KCNJ10: variants seen among roughly 807,000 people sequenced by gnomAD.
The protein encoded by KCNJ10 is potassium inwardly rectifying channel subfamily J member 10.
Under a neutral mutation model 22.2 loss-of-function variants are expected in KCNJ10, and 9 were observed. The observed-to-expected ratio is 0.40, with a 90% CI of 0.24 to 0.71. The LOEUF (loss-of-function observed/expected upper bound fraction) is 0.71. KCNJ10 is among the 30% of genes least tolerant of loss of function. KCNJ10 has a pLI of 0.35. For synonymous variants in KCNJ10, 184 were observed against 187.3 expected (o/e 0.98, Z 0.15); for missense variants, 337 against 482.7 (o/e 0.70, Z 2.83).
intron 1 of KCNJ10, among the ~76,000 whole-genome samples, chr1:160,069,491 G>A (rs1649401666): frequency 6.6e-6 from 1 of 152,168 alleles, no homozygotes. Flanking sequence ...AGATTGGGTG[G>A]GCAGGGGTCT....
At chr1:160,058,186 T>A (rs1302972834) in intron 1 of KCNJ10, among the ~76,000 whole-genome samples, 1 of 152,240 alleles carries the variant, frequency 6.6e-6, no homozygotes, top group Non-Finnish European at 1.5e-5. Context: ...GGCCCCCTTT[T>A]CCATGTGCCA....
chr1:160,050,300 A>ATTTT (rs57990965), intron 1 of KCNJ10, among the ~76,000 whole-genome samples: 20 of 146,954 alleles, frequency 1.4e-4, no homozygotes, highest in African/African-American at 4.3e-4. Context: ...CACCCAGCTA[A>ATTTT]TTTTTTTTTT....
chr1:160,042,000 G>T lies in KCNJ10; in HGVS notation c.533C>A (p.Thr178Asn). 1 of 1,577,134 alleles carries T rather than the reference G, an allele frequency of 6.3e-7. No homozygotes were observed. The highest frequency in any genetic ancestry group is 8.6e-7 in the Non-Finnish European group (1 of 1,159,918). Residue 178 changes from threonine (T) to asparagine (N), a missense_variant, in exon 2 of 2, where the codon ACC becomes AAC. Physicochemically the swap from Thr to Asn is moderately conservative, Grantham distance 65. Around this residue, in one of 3 missense-constraint regions of KCNJ10, gnomAD observed 165 missense variants for 281.5 expected, o/e 0.59. Coordinates refer to ENST00000644903, the MANE Select transcript of KCNJ10 (RefSeq NM_002241.5). This position sits in a 1 kb window ranked among gnomAD's most constrained non-coding sequence, Gnocchi z 4.4. ...AACTGCATGCTGGCTGAAACGAATG[G>T]TCTCAGCCCGCTTCTTGGGCCGGGC... ...KIARPKKRAE[T>N]IRFSQHAVVA...
chr1:160,041,477 A>G lies in KCNJ10; in HGVS notation c.1056T>C (p.Pro352=), dbSNP rs1371611233. The change falls in exon 2 of 2, where the codon CCT becomes CCC. Residue 352 remains proline, a synonymous_variant. Coordinates refer to ENST00000644903, the MANE Select transcript of KCNJ10 (RefSeq NM_002241.5). The surrounding 1 kb of genome is among the most constrained non-coding windows in gnomAD (Gnocchi z 4.4). ...ATGACTCCTCCAACTTGAGCTTTTC[A>G]GGGTCTCCGTAGCGTACAGTGCTGT... ...LRDSTVRYGD[P]EKLKLEESLR... 6.2e-7 allele frequency: 1 copy of G among 1,614,014 alleles called. No individual in the cohort carries two copies. The highest frequency in any genetic ancestry group is 8.5e-7 in the Non-Finnish European group (1 of 1,180,016).
At position 160,042,303 on chromosome 1, in the gene KCNJ10, C is replaced by A. The variant is rs753667101; in HGVS notation, c.230G>T (p.Gly77Val). 1 of 1,613,688 alleles carries A rather than the reference C, an allele frequency of 6.2e-7. No individual in the cohort carries two copies. The highest frequency in any genetic ancestry group is 8.5e-7 in the Non-Finnish European group (1 of 1,179,622). ...KLLLFSATFA[G>V]TWFLFGVVWY... ...CACCACGCCAAAGAGGAACCATGTG[C>A]CTGCAAAGGTCGCAGAGAAGAGCAG... is the stretch of plus-strand genomic sequence containing the variant. The change falls in exon 2 of 2, where the codon GGC (glycine) becomes GTC (valine). Residue 77 changes from glycine to valine, a missense_variant. Physicochemically the swap from Gly to Val is moderately radical, Grantham distance 109. Around this residue, in one of 3 missense-constraint regions of KCNJ10, gnomAD observed 107 missense variants for 135.2 expected, o/e 0.79. Transcript: ENST00000644903.
At chr1:160,067,513 C>T (rs756553261) in intron 1 of KCNJ10, among the ~76,000 whole-genome samples, 9 of 152,222 alleles carry the variant, frequency 5.9e-5, no homozygotes, top group Non-Finnish European at 1.0e-4. Flanking sequence ...TTCATCTCAA[C>T]GATGTGCCTT....
chr1:160,041,486 G>A lies in KCNJ10; in HGVS notation c.1047C>T (p.Tyr349=), dbSNP rs368537434. 2.5e-5 allele frequency: 40 copies of A among 1,614,024 alleles called. No individual in the cohort carries two copies. The highest frequency in any genetic ancestry group is 1.0e-4 in the Admixed American group (6 of 59,990). The part of the protein sequence containing the change: ...PSGLRDSTVR[Y]GDPEKLKLEE... ...CCAACTTGAGCTTTTCAGGGTCTCC[G>A]TAGCGTACAGTGCTGTCACGGAGGC... Residue 349 remains tyrosine, a synonymous_variant, in exon 2 of 2, where the codon TAC becomes TAT. Coordinates refer to ENST00000644903, the MANE Select transcript of KCNJ10 (RefSeq NM_002241.5). This position sits in a 1 kb window ranked among gnomAD's most constrained non-coding sequence, Gnocchi z 4.4.
At chr1:160,066,005 A>C (rs989112423) in intron 1 of KCNJ10, among the ~76,000 whole-genome samples, 8 of 152,114 alleles carry the variant, frequency 5.3e-5, no homozygotes, top group African/African-American at 1.9e-4. Context: ...TGTGGGGGCA[A>C]ACCTGGGCCG....
chr1:160,064,780 C>T (rs897589823), intron 1 of KCNJ10: 5 of 152,314 alleles, frequency 3.3e-5, no homozygotes, highest in Non-Finnish European at 7.3e-5. Flanking sequence ...GTGTGCCTGG[C>T]TCTACCAGTT....
chr1:160,069,680 G>A (rs896648624), intron 1 of KCNJ10, among the ~76,000 whole-genome samples: 1 of 152,176 alleles, frequency 6.6e-6, no homozygotes, highest in Non-Finnish European at 1.5e-5. Context: ...TGTCTGTTGT[G>A]CCTGTGTATG....
intron 1 of KCNJ10, among the ~76,000 whole-genome samples, chr1:160,046,047 T>C (rs957897969): frequency 2.0e-5 from 3 of 152,176 alleles, no homozygotes; most frequent in Non-Finnish European, 4.4e-5. Flanking sequence ...ATTCTGTCTA[T>C]ACCCATGGTG....
At chr1:160,062,851 G>T (rs991512812) in intron 1 of KCNJ10, among the ~76,000 whole-genome samples, 2 of 152,062 alleles carry the variant, frequency 1.3e-5, no homozygotes, top group Admixed American at 6.5e-5. Flanking sequence ...GGGGTCTTTG[G>T]GGTTCTACTT....
chr1:160,057,737 G>C (rs1205493292), intron 1 of KCNJ10, among the ~76,000 whole-genome samples: 1 of 152,220 alleles, frequency 6.6e-6, no homozygotes, highest in Admixed American at 6.5e-5. Context: ...GGGAGGGTAT[G>C]ATGAGACCTA....
At position 160,040,414 on chromosome 1, in the gene KCNJ10, G is replaced by T. The variant is rs766317677; in HGVS notation, c.*979C>A. 2 of 397,532 alleles carry T rather than the reference G, an allele frequency of 5.0e-6. No individual in the cohort carries two copies. Among genetic ancestry groups the T allele is most frequent in the Non-Finnish European group, 8.9e-6 (2 of 225,496 alleles). 24.6% of individuals were successfully genotyped at this position (397,532 alleles called of 1,614,324 possible). On this transcript the variant is annotated 3_prime_UTR_variant, in exon 2 of 2. Coordinates refer to ENST00000644903, the MANE Select transcript of KCNJ10 (RefSeq NM_002241.5). ...CATTTTCCCTCCCTTCTCCCAAAGA[G>T]TTGGGGTTAAGGAAGAAGGATCTAG...
chr1:160,052,555 A>T (rs528226910), intron 1 of KCNJ10, among the ~76,000 whole-genome samples: 1 of 152,322 alleles, frequency 6.6e-6, no homozygotes, highest in Non-Finnish European at 1.5e-5. Flanking sequence ...ACCCACACTT[A>T]TCTTAGACAG....
intron 1 of KCNJ10, among the ~76,000 whole-genome samples, chr1:160,063,933 G>T (rs925362339): frequency 3.3e-5 from 5 of 152,150 alleles, no homozygotes; most frequent in African/African-American, 1.2e-4. Flanking sequence ...TCTAAAGGTG[G>T]GTGCTTTTTA....
chr1:160,041,235 C>A lies in KCNJ10; in HGVS notation c.*158G>T. On this transcript the variant is annotated 3_prime_UTR_variant, in exon 2 of 2. Transcript: ENST00000644903. The surrounding 1 kb of genome is among the most constrained non-coding windows in gnomAD (Gnocchi z 4.4). The stretch of plus-strand genomic sequence containing the variant: ...GGACAGTGGGAGGCGAACCTGGACT[C>A]CAGTTGGCCTAAGCTACCAACAGGC... 1.4e-6 allele frequency: 1 copy of A among 716,498 alleles called. No individual in the cohort carries two copies. 44.4% of individuals were successfully genotyped at this position (716,498 alleles called of 1,614,324 possible).
chr1:160,049,799 G>A (rs2101928872), intron 1 of KCNJ10, among the ~76,000 whole-genome samples: 1 of 147,582 alleles, frequency 6.8e-6, no homozygotes, highest in East Asian at 2.0e-4. Flanking sequence ...AAAAGTAGGA[G>A]GGGACTCCTA....
intron 1 of KCNJ10, among the ~76,000 whole-genome samples, chr1:160,060,647 C>A (rs1649168828): frequency 1.3e-5 from 2 of 152,214 alleles, no homozygotes; most frequent in South Asian, 4.1e-4. Flanking sequence ...CCCATCCACC[C>A]TCCCAGGCCC....
Sources: gnomAD v4.1 joint callset for allele counts (sites outside exome capture counted in the v4.1 genomes callset) on GRCh38, gnomAD v4.1.1 for gene constraint, gnomAD v4.1.1 regional missense constraint, Gnocchi (gnomAD v3.1) non-coding constraint, MANE v1.5 for transcripts, NCBI Gene and HGNC (gene_info 2026-07-23, HGNC 2026-07-21) for gene names.